The following SYNPO2 variants were observed in gnomAD, a reference collection of about 807,000 sequenced individuals.
The protein encoded by SYNPO2 is synaptopodin-2.
A neutral mutation model predicts 85.0 loss-of-function variants in SYNPO2; 56 were observed. The observed-to-expected ratio is 0.66, with a 90% CI of 0.53 to 0.82. SYNPO2 has a LOEUF of 0.82. Ranked by LOEUF, SYNPO2 falls within the 40% of genes least tolerant of loss-of-function variation. The pLI is 0.00. For synonymous variants in SYNPO2, 602 were observed against 591.1 expected (o/e 1.02, Z -0.27); for missense variants, 1,575 against 1,534.2 (o/e 1.03, Z -0.44).
chr4:119,033,580 G>A, intron 4 of SYNPO2: 1 of 985,420 alleles, frequency 1.0e-6, no homozygotes, highest in Non-Finnish European at 1.2e-6. Flanking sequence ...CAGGAGATAT[G>A]TTTAGAGACC....
chr4:119,000,285 C>T (rs1736777038), intron 1 of SYNPO2, among the ~76,000 whole-genome samples: 1 of 152,094 alleles, frequency 6.6e-6, no homozygotes, highest in South Asian at 2.1e-4. Flanking sequence ...GGAAAAAGAC[C>T]ACTTGTAACC....
In SYNPO2 at chr4:119,056,264, T is replaced by C. The variant is rs544338279; in HGVS notation, c.3253-1137T>C. Among the ~76,000 whole-genome samples the C allele has an allele frequency of 2.6e-5, 4 of 152,306 alleles. No individual in the cohort carries two copies. In the South Asian group the frequency reaches 8.3e-4, roughly 32 times the overall value. On this transcript the variant is annotated intron_variant, in intron 4 of 4. Coordinates refer to ENST00000307142, the MANE Select transcript of SYNPO2 (RefSeq NM_133477.3). ...ACACAAGAGGTTTCATTAAATTATA[T>C]TGCTGTAGCCAGGCACCGGGGCTCA...
chr4:118,882,308 TA>T (rs1398224150), intron 1 of SYNPO2, among the ~76,000 whole-genome samples: 1 of 152,120 alleles, frequency 6.6e-6, no homozygotes, highest in Non-Finnish European at 1.5e-5. Flanking sequence ...CCTTAAAAAA[TA>T]TAGAAGCTAT....
chr4:118,866,412 C>T (rs1029885976), intron 1 of SYNPO2, among the ~76,000 whole-genome samples: 1 of 152,176 alleles, frequency 6.6e-6, no homozygotes, highest in Non-Finnish European at 1.5e-5. Context: ...ATGGTCAAGG[C>T]TTTGCCGATT....
intron 1 of SYNPO2, among the ~76,000 whole-genome samples, chr4:118,911,834 C>T (rs1185950267): frequency 6.6e-6 from 1 of 152,150 alleles, no homozygotes; most frequent in Non-Finnish European, 1.5e-5. Flanking sequence ...CCTCCAATCC[C>T]ACAATAGAGC....
In SYNPO2 at chr4:118,912,932, G is replaced by A. The variant is rs558096288; in HGVS notation, c.105+23791G>A. 6.6e-5 allele frequency among the ~76,000 whole-genome samples: 10 copies of A among 152,238 alleles called. No homozygotes were observed. In the South Asian group the frequency reaches 2.1e-3, roughly 32 times the overall value. ...TTCACTGTAAGAATTATTTTTTCAT[G>A]TAATTTTCCAAGTTGGGTCTATGAC... On this transcript the variant is annotated intron_variant, in intron 1 of 4. Transcript: ENST00000307142.
At chr4:119,008,811 G>A (rs576069660) in intron 1 of SYNPO2, among the ~76,000 whole-genome samples, 4 of 151,754 alleles carry the variant, frequency 2.6e-5, no homozygotes, top group South Asian at 2.1e-4. Flanking sequence ...ATATATTTAT[G>A]TGCCATTTAA....
chr4:119,030,132 G>C lies in SYNPO2; in HGVS notation c.1357G>C (p.Val453Leu). ...SEVDEELLSDVDDNTQVVNFD... is the reference protein window; with the variant it reads ...SEVDEELLSDLDDNTQVVNFD... ...GGTGGATGAAGAGTTATTGTCTGAC[G>C]TTGACGACAACACACAAGTTGTGAA... The change falls in exon 4 of 5, where the codon GTT becomes CTT. Residue 453 changes from valine to leucine, a missense_variant. Physicochemically the swap from Val to Leu is conservative, Grantham distance 32 (BLOSUM62 1). Coordinates refer to ENST00000307142, the MANE Select transcript of SYNPO2 (RefSeq NM_133477.3). The C allele has an allele frequency of 1.9e-6, 3 of 1,614,122 alleles. No homozygotes were observed. The highest frequency in any genetic ancestry group is 1.1e-5 in the South Asian group (1 of 91,084).
chr4:118,866,373 T>C (rs1731700438), intron 1 of SYNPO2, among the ~76,000 whole-genome samples: 1 of 152,172 alleles, frequency 6.6e-6, no homozygotes, highest in Non-Finnish European at 1.5e-5. Flanking sequence ...CTACCCTTGG[T>C]TGAGAACGAC....
intron 1 of SYNPO2, among the ~76,000 whole-genome samples, chr4:118,922,896 T>A (rs1197625760): frequency 1.3e-5 from 2 of 152,154 alleles, no homozygotes; most frequent in Non-Finnish European, 2.9e-5. Context: ...TAGAGTATCA[T>A]CCATATAGTA....
intron 4 of SYNPO2, chr4:119,032,453 A>G: frequency 1.9e-6 from 2 of 1,054,702 alleles, no homozygotes; most frequent in Non-Finnish European, 2.3e-6. Flanking sequence ...GGTATAACCT[A>G]TATTGACTGA....
intron 1 of SYNPO2, among the ~76,000 whole-genome samples, chr4:118,971,276 AACCCATG>A (rs1226281478): frequency 1.1e-4 from 16 of 152,256 alleles, no homozygotes; most frequent in African/African-American, 3.9e-4. Flanking sequence ...AAACAAAGCG[AACCCATG>A]ACTCTTAAGA....
intron 1 of SYNPO2, among the ~76,000 whole-genome samples, chr4:118,912,269 T>A (rs1008269785): frequency 2.0e-5 from 3 of 152,186 alleles, no homozygotes; most frequent in Non-Finnish European, 2.9e-5. Context: ...GCACCTCAAC[T>A]TCCTGGGCTC....
chr4:118,885,973 A>G (rs910012553), upstream of SYNPO2, among the ~76,000 whole-genome samples: 3 of 152,198 alleles, frequency 2.0e-5, no homozygotes, highest in African/African-American at 7.2e-5. Flanking sequence ...GAGAAACACT[A>G]ATACCTATCT....
At chr4:119,020,517 T>C (rs541499544) in intron 1 of SYNPO2, among the ~76,000 whole-genome samples, 1 of 152,272 alleles carries the variant, frequency 6.6e-6, no homozygotes, top group Non-Finnish European at 1.5e-5. Flanking sequence ...CATCTTCTTC[T>C]GCAATCCCAG....
intron 1 of SYNPO2, among the ~76,000 whole-genome samples, chr4:118,912,446 G>T (rs1257138482): frequency 6.6e-6 from 1 of 152,158 alleles, no homozygotes; most frequent in African/African-American, 2.4e-5. Flanking sequence ...CCCCTAAATT[G>T]CTGGGATTAT....
intron 2 of SYNPO2, 80 bp downstream of exon 2, chr4:119,023,661 T>A: frequency 7.1e-7 from 1 of 1,406,842 alleles, no homozygotes; most frequent in Non-Finnish European, 9.4e-7. Flanking sequence ...ATATATAACT[T>A]GTCATTTATG....
At position 119,007,264 on chromosome 4, in the gene SYNPO2, ATATATATATATG is replaced by A. The variant is rs1560972547; in HGVS notation, c.106-16159_106-16148del. On this transcript the variant is annotated intron_variant, in intron 1 of 4. Coordinates refer to ENST00000307142, the MANE Select transcript of SYNPO2 (RefSeq NM_133477.3). ...TATATATGTATATACATATATATAT[ATATATATATATG>A]TATATACATATATATATATATGTAT... 4.1e-3 allele frequency among the ~76,000 whole-genome samples: 314 copies of A among 76,450 alleles called. 13 individuals are homozygous for A. The highest frequency in any genetic ancestry group is 8.2e-3 in the East Asian group (21 of 2,568). 50.2% of individuals were successfully genotyped at this position (76,450 alleles called of 152,430 possible).
rs914192720 is a variant in SYNPO2, at chr4:119,041,642, G to A, written c.3252+9615G>A. ...GAAATGTCACAACTCATTGTGGGTG[G>A]TATTACTGAAATAAACAGCAACACT... On this transcript the variant is annotated intron_variant, in intron 4 of 4. Transcript: ENST00000307142. 4.6e-4 allele frequency among the ~76,000 whole-genome samples: 70 copies of A among 152,216 alleles called. 1 individual carries two copies. The highest frequency in any genetic ancestry group is 1.4e-3 in the African/African-American group (60 of 41,524).
Sources: allele counts gnomAD v4.1 joint callset (sites outside exome capture counted in the v4.1 genomes callset), GRCh38; gene constraint gnomAD v4.1.1; transcripts MANE v1.5; gene names NCBI Gene and HGNC (gene_info 2026-07-23, HGNC 2026-07-21).